Variants in LCOR observed in about 807,000 individuals in gnomAD.
LCOR encodes the protein ligand dependent nuclear receptor corepressor.
Under a neutral mutation model 64.4 loss-of-function variants are expected in LCOR, and 14 were observed. The ratio of observed to expected loss-of-function variants is 0.22; its 90% CI spans 0.14 to 0.34. The LOEUF (loss-of-function observed/expected upper bound fraction) is 0.34, where lower values mean the gene tolerates loss of function less well. LCOR is among the 10% of genes least tolerant of loss of function. LCOR has a pLI of 1.00. For missense variants in LCOR, 1,686 were observed against 1,765.3 expected, an observed-to-expected ratio of 0.96 and a Z score of 0.80; for synonymous variants, 643 against 642.5, an observed-to-expected ratio of 1.00 and a Z score of -0.01.
chr10:96,859,747 AG>A (rs1407199597), intron 2 of LCOR, among the ~76,000 whole-genome samples: 1 of 151,578 alleles, frequency 6.6e-6, no homozygotes, highest in African/African-American at 2.4e-5. Context: ...TTAGTAGAGA[AG>A]GGGTTTTGCC....
chr10:96,955,988 C>G (rs1020162856), intron 7 of LCOR: 9 of 1,533,496 alleles, frequency 5.9e-6, no homozygotes, highest in Non-Finnish European at 7.9e-6. Flanking sequence ...GTTCAGCTAT[C>G]ATTGCTTGCA....
chr10:96,909,436 C>T (rs1472121978), intron 4 of LCOR, among the ~76,000 whole-genome samples: 1 of 152,232 alleles, frequency 6.6e-6, no homozygotes, highest in Non-Finnish European at 1.5e-5. Context: ...GCCTTTCACA[C>T]TGTTGTCAAT....
At chr10:96,865,393 T>C (rs1178532552) in intron 2 of LCOR, among the ~76,000 whole-genome samples, 1 of 152,204 alleles carries the variant, frequency 6.6e-6, no homozygotes, top group Non-Finnish European at 1.5e-5. Context: ...AATCCATAGC[T>C]GTACAGTTGC....
chr10:96,966,517 C>A (rs1847952999), intron 7 of LCOR, among the ~76,000 whole-genome samples: 1 of 152,122 alleles, frequency 6.6e-6, no homozygotes, highest in African/African-American at 2.4e-5. Context: ...CGTGAGCCAC[C>A]GCGCCCGGCC....
At chr10:96,941,260 G>A (rs1167541298) in intron 4 of LCOR, among the ~76,000 whole-genome samples, 4 of 137,570 alleles carry the variant, frequency 2.9e-5, no homozygotes, top group South Asian at 2.3e-4. Flanking sequence ...CCTCCCTCCC[G>A]GACGGGGCGG....
intron 2 of LCOR, among the ~76,000 whole-genome samples, chr10:96,869,240 T>C (rs1467842843): frequency 6.6e-6 from 1 of 151,928 alleles, no homozygotes; most frequent in African/African-American, 2.4e-5. Flanking sequence ...GGGGTCAGAG[T>C]TGTGCTCTGT....
chr10:96,949,976 G>T (rs1160005563), intron 6 of LCOR, among the ~76,000 whole-genome samples: 1 of 152,140 alleles, frequency 6.6e-6, no homozygotes, highest in Non-Finnish European at 1.5e-5. Flanking sequence ...TTGAGTCTCT[G>T]AAGTTTATTT....
Position 96,914,612 on chromosome 10 carries a change from C to T in LCOR, c.-184+6865C>T, listed in dbSNP as rs1846905743. Among the ~76,000 whole-genome samples the T allele has an allele frequency of 1.3e-5, 2 of 152,202 alleles. 1 individual carries two copies. The highest frequency in any genetic ancestry group is 4.1e-4 in the South Asian group (2 of 4,828). On this transcript the variant is annotated intron_variant, in intron 4 of 7. Transcript: ENST00000421806. The stretch of plus-strand genomic sequence containing the variant: ...GTAGTATTTAAAAGCAGGACATGGG[C>T]AGACAGTTGTTAACAGTATAGAAGA...
At chr10:96,840,433 G>A (rs937146396) in intron 2 of LCOR, among the ~76,000 whole-genome samples, 11 of 152,138 alleles carry the variant, frequency 7.2e-5, no homozygotes, top group Admixed American at 2.0e-4. Context: ...GTAATAGAAG[G>A]ATCCTGTCAT....
At chr10:96,877,540 T>G (rs191523988) in intron 2 of LCOR, among the ~76,000 whole-genome samples, 6 of 143,476 alleles carry the variant, frequency 4.2e-5, no homozygotes, top group Non-Finnish European at 3.0e-5. Flanking sequence ...ATAAGTAAAA[T>G]AAAAATAACT....
Position 96,981,744 on chromosome 10 carries a change from T to C in LCOR, c.1284T>C (p.Pro428=). The part of the protein sequence containing the change: ...HSKDGWLGPG[P]MPAVHKAANG... ...AAGATGGTTGGTTAGGCCCCGGCCC[T>C]ATGCCAGCTGTACACAAAGCGGCAA... is the stretch of plus-strand genomic sequence containing the variant. The change falls in exon 8 of 8, where the codon CCT becomes CCC. Residue 428 remains proline, a synonymous_variant. Coordinates refer to ENST00000421806, the MANE Select transcript of LCOR (RefSeq NM_001346516.2). 6.2e-7 allele frequency: 1 copy of C among 1,614,220 alleles called. No homozygotes were observed. Among genetic ancestry groups the C allele is most frequent in the East Asian group, 2.2e-5 (1 of 44,888 alleles).
chr10:96,875,888 A>T (rs1447485390), intron 2 of LCOR, among the ~76,000 whole-genome samples: 1 of 152,024 alleles, frequency 6.6e-6, no homozygotes, highest in African/African-American at 2.4e-5. Flanking sequence ...CAAAAAACAC[A>T]CATGGTCCAC....
chr10:96,985,100 C>A lies in LCOR; in HGVS notation c.4640C>A (p.Ser1547Ter). Residue 1547 changes from serine (S) to a stop codon, truncating the protein, a stop_gained, in exon 8 of 8, where the codon TCG becomes TAG. Transcript: ENST00000421806. LOFTEE classifies it high-confidence loss of function. ...AAGCTGAAGGCAAAGCTGGACTGTTCGCACAGCAAACGGAGGCGGCTGGAT... is the reference window on the plus strand; with the variant it reads ...AAGCTGAAGGCAAAGCTGGACTGTTAGCACAGCAAACGGAGGCGGCTGGAT... ...KRKLKAKLDCSHSKRRRLDAK is the reference protein window; with the variant it reads ...KRKLKAKLDC 1 of 1,605,166 alleles carries A rather than the reference C, an allele frequency of 6.2e-7. No homozygotes were observed. Among genetic ancestry groups the A allele is most frequent in the Non-Finnish European group, 8.5e-7 (1 of 1,177,312 alleles).
At chr10:96,918,826 A>G (rs1183735993) in intron 4 of LCOR, among the ~76,000 whole-genome samples, 1 of 152,220 alleles carries the variant, frequency 6.6e-6, no homozygotes. Context: ...GACTGGTGAG[A>G]AACTGTTAGA....
intron 7 of LCOR, chr10:96,956,953 A>G (rs1250107871): frequency 1.0e-6 from 1 of 985,218 alleles, no homozygotes; most frequent in Non-Finnish European, 1.2e-6. Context: ...TGATATTGCA[A>G]AAGTGATACT....
At chr10:96,928,351 AGATTCC>A (rs1847202777) in intron 4 of LCOR, among the ~76,000 whole-genome samples, 1 of 152,196 alleles carries the variant, frequency 6.6e-6, no homozygotes, top group Non-Finnish European at 1.5e-5. Context: ...CACCAGGAGT[AGATTCC>A]ATCGTAAGAA....
chr10:96,843,008 AT>A (rs1845567777), intron 2 of LCOR, among the ~76,000 whole-genome samples: 1 of 152,206 alleles, frequency 6.6e-6, no homozygotes, highest in African/African-American at 2.4e-5. Context: ...AAATTGAGTC[AT>A]GCACAGATTC....
chr10:96,881,886 G>GTGTT (rs918654320), intron 2 of LCOR, among the ~76,000 whole-genome samples: 1 of 152,120 alleles, frequency 6.6e-6, no homozygotes, highest in Non-Finnish European at 1.5e-5. Context: ...CCACTTTTCA[G>GTGTT]TGTTTGATAA....
Position 96,944,173 on chromosome 10 carries a change from C to T in LCOR, c.-123C>T, listed in dbSNP as rs1847547316. 4 of 985,442 alleles carry T rather than the reference C, an allele frequency of 4.1e-6. No individual in the cohort carries two copies. The South Asian group carries it at 1.4e-4, about 35-fold the overall frequency. 61.0% of individuals were successfully genotyped at this position (985,442 alleles called of 1,614,324 possible). A position where few individuals can be genotyped will look rare whatever the true frequency, so the allele number is the denominator to read the frequency against. On this transcript the variant is annotated 5_prime_UTR_variant, in exon 5 of 8. Coordinates refer to ENST00000421806, the MANE Select transcript of LCOR (RefSeq NM_001346516.2). ...AGCTGGGCAAGAAGCTCTGCTTAAA[C>T]AAGAGCAAGCAAAAATCATTCGATT...
Sources: gnomAD v4.1 joint callset for allele counts (sites outside exome capture counted in the v4.1 genomes callset) on GRCh38, gnomAD v4.1.1 for gene constraint, MANE v1.5 for transcripts, NCBI Gene and HGNC (gene_info 2026-07-23, HGNC 2026-07-21) for gene names.